Variants in SPATS1 observed in about 807,000 individuals in gnomAD.
The protein encoded by SPATS1 is spermatogenesis associated serine rich 1, also known as spermatogenesis-associated serine-rich protein 1.
Under a neutral mutation model 33.6 loss-of-function variants are expected in SPATS1, and 23 were observed. The observed-to-expected ratio is 0.68, with a 90% CI of 0.49 to 0.97. The LOEUF (loss-of-function observed/expected upper bound fraction) is 0.97, where lower values mean the gene tolerates loss of function less well. Ranked by LOEUF, SPATS1 falls within the 50% of genes least tolerant of loss-of-function variation. SPATS1 has a pLI of 0.00. For missense variants in SPATS1, 327 were observed against 361.0 expected (o/e 0.91, Z 0.76); for synonymous variants, 131 against 125.6 (o/e 1.04, Z -0.29).
chr6:44,379,467 T>C lies in SPATS1; in HGVS notation c.*2404T>C, dbSNP rs1476684887. On this transcript the variant is annotated 3_prime_UTR_variant, in exon 9 of 9. Coordinates refer to ENST00000674044, the MANE Select transcript of SPATS1 (RefSeq NM_001372081.1). ...TTAGCCAGGCATGGTGGTGGGCACC[T>C]ATAGTCCCAGGACTGTACTATACTC... Among the ~76,000 whole-genome samples, 1 of 151,412 alleles carries C rather than the reference T, an allele frequency of 6.6e-6. No individual in the cohort carries two copies. Among genetic ancestry groups the C allele is most frequent in the African/African-American group, 2.4e-5 (1 of 41,230 alleles).
At chr6:44,366,988 C>G (rs1023604269) in intron 5 of SPATS1, among the ~76,000 whole-genome samples, 19 of 152,192 alleles carry the variant, frequency 1.2e-4, no homozygotes, top group Non-Finnish European at 2.9e-5. Flanking sequence ...GCGACAGACT[C>G]CAAAGTCCAA....
At chr6:44,358,316 G>A (rs1231428375) in intron 3 of SPATS1, among the ~76,000 whole-genome samples, 4 of 152,158 alleles carry the variant, frequency 2.6e-5, no homozygotes, top group Non-Finnish European at 4.4e-5. Context: ...GGTTTCAGAC[G>A]CAAAGCCATT....
rs1328469279 is a variant in SPATS1, at chr6:44,342,715, C to T, written c.-54C>T. 4.3e-6 allele frequency: 2 copies of T among 461,366 alleles called. No individual in the cohort carries two copies. Among genetic ancestry groups the T allele is most frequent in the Non-Finnish European group, 8.7e-6 (2 of 230,664 alleles). The allele number at this position is 461,366 out of a possible 1,614,324, so 28.6% of individuals were successfully genotyped here. ...CCTTTTGCCCTAGGCTCTCGGTTCTCAGGCCTCGGCGTGCGGCGTGCGTTC... is the reference window on the plus strand; with the variant it reads ...CCTTTTGCCCTAGGCTCTCGGTTCTTAGGCCTCGGCGTGCGGCGTGCGTTC... On this transcript the variant is annotated 5_prime_UTR_variant, in exon 1 of 9. Coordinates refer to ENST00000674044, the MANE Select transcript of SPATS1 (RefSeq NM_001372081.1).
intron 5 of SPATS1, among the ~76,000 whole-genome samples, chr6:44,367,405 T>C (rs560376147): frequency 5.9e-5 from 9 of 152,370 alleles, no homozygotes; most frequent in Non-Finnish European, 8.8e-5. Flanking sequence ...ACTCAATGCA[T>C]GGGTGCAGTT....
chr6:44,353,553 C>T (rs545608523), intron 3 of SPATS1, among the ~76,000 whole-genome samples: 54 of 152,152 alleles, frequency 3.5e-4, no homozygotes, highest in Non-Finnish European at 7.4e-4. Context: ...GCCGGGCTAA[C>T]GTTTTGTTTC....
intron 7 of SPATS1, among the ~76,000 whole-genome samples, chr6:44,371,500 T>C (rs1380494166): frequency 6.6e-6 from 1 of 152,252 alleles, no homozygotes. Flanking sequence ...TTCTCTATTT[T>C]GTTCTGTAGC....
intron 2 of SPATS1, among the ~76,000 whole-genome samples, chr6:44,347,222 C>T (rs1050844073): frequency 2.0e-5 from 3 of 151,804 alleles, no homozygotes; most frequent in African/African-American, 7.3e-5. Context: ...TGGGGCCTGT[C>T]GTGGGGTTGG....
Position 44,369,103 on chromosome 6 carries a change from A to G in SPATS1, c.695+604A>G, listed in dbSNP as rs568149835. Among the ~76,000 whole-genome samples the G allele has an allele frequency of 3.9e-3, 600 of 152,132 alleles. 4 individuals are homozygous for G. The highest frequency in any genetic ancestry group is 5.2e-3 in the Admixed American group (79 of 15,284). ...AGTAGAGACGGGGTTTCACCATGTT[A>G]GCCAGGATGGTCTTGATCTCCTGAC... is the stretch of plus-strand genomic sequence containing the variant. On this transcript the variant is annotated intron_variant, in intron 6 of 8. Coordinates refer to ENST00000674044, the MANE Select transcript of SPATS1 (RefSeq NM_001372081.1).
At chr6:44,365,683 C>T (rs1789202044) in intron 5 of SPATS1, among the ~76,000 whole-genome samples, 1 of 152,226 alleles carries the variant, frequency 6.6e-6, no homozygotes, top group South Asian at 2.1e-4. Flanking sequence ...CAGAACATGG[C>T]TCTACCTAAA....
intron 2 of SPATS1, among the ~76,000 whole-genome samples, chr6:44,344,213 G>A (rs1787734162): frequency 6.6e-6 from 1 of 152,284 alleles, no homozygotes; most frequent in South Asian, 2.1e-4. Flanking sequence ...GAGGATCCAT[G>A]TTTTCGAGTT....
intron 4 of SPATS1, chr6:44,361,617 C>T (rs540271330): frequency 7.4e-5 from 63 of 853,610 alleles, no homozygotes; most frequent in Middle Eastern, 1.2e-3. Context: ...AAAACAAAGA[C>T]GGCCTCTTAG....
chr6:44,372,070 A>C (rs1789656590), intron 7 of SPATS1, among the ~76,000 whole-genome samples: 1 of 151,752 alleles, frequency 6.6e-6, no homozygotes, highest in African/African-American at 2.4e-5. Flanking sequence ...CCTGGCCAAC[A>C]TGGTGAGACC....
intron 5 of SPATS1, among the ~76,000 whole-genome samples, chr6:44,364,860 T>C (rs1239057974): frequency 1.3e-5 from 2 of 151,720 alleles, no homozygotes; most frequent in African/African-American, 4.8e-5. Flanking sequence ...TGCAGTAGCG[T>C]GACCTTGGCT....
In SPATS1 at chr6:44,342,661, C is replaced by T. The variant is rs756241804; in HGVS notation, c.-108C>T. ...GTCCCGGCAACCCCGGAACGCGCCT[C>T]TGTGGGAGAAGCAGGCGGCTGCGGT... On this transcript the variant is annotated 5_prime_UTR_variant, in exon 1 of 9. Transcript: ENST00000674044. The T allele has an allele frequency of 2.2e-6, 1 of 456,594 alleles. No homozygotes were observed. Among genetic ancestry groups the T allele is most frequent in the South Asian group, 1.5e-5 (1 of 64,572 alleles). The allele number at this position is 456,594 out of a possible 1,614,324, so 28.3% of individuals were successfully genotyped here. A position where few individuals can be genotyped will look rare whatever the true frequency, so the allele number is the denominator to read the frequency against.
intron 8 of SPATS1, 75 bp from the exon 9 acceptor site, chr6:44,376,960 G>T: frequency 6.4e-7 from 1 of 1,553,648 alleles, no homozygotes. Context: ...CAAGCATTGG[G>T]GGTCGAGTGT....
chr6:44,352,962 C>G, intron 3 of SPATS1, 89 bp downstream of exon 3: 1 of 1,386,526 alleles, frequency 7.2e-7, no homozygotes, highest in South Asian at 1.3e-5. Context: ...GTATGCTTGG[C>G]AAGAGCATGG....
At chr6:44,369,661 C>T (rs778594237) in intron 6 of SPATS1, among the ~76,000 whole-genome samples, 79 of 152,160 alleles carry the variant, frequency 5.2e-4, no homozygotes, top group African/African-American at 7.2e-4. Context: ...TGCTTCAGCC[C>T]AGGCGTTCCA....
chr6:44,370,126 G>C lies in SPATS1; in HGVS notation c.758+13G>C. Reference sequence around the variant, plus strand: ...CACAAATTCCCAAGTGAGTTCTCTTGTCATGTTTTGTGTTATCCCATCTTT... The same window carrying C: ...CACAAATTCCCAAGTGAGTTCTCTTCTCATGTTTTGTGTTATCCCATCTTT... On this transcript the variant is annotated intron_variant, in intron 7 of 8. Transcript: ENST00000674044. 6.2e-7 allele frequency: 1 copy of C among 1,602,194 alleles called. No homozygotes were observed. The highest frequency in any genetic ancestry group is 8.5e-7 in the Non-Finnish European group (1 of 1,170,376).
At chr6:44,357,212 CT>C (rs1788643036) in intron 3 of SPATS1, among the ~76,000 whole-genome samples, 2 of 152,106 alleles carry the variant, frequency 1.3e-5, no homozygotes, top group African/African-American at 4.8e-5. Flanking sequence ...CCTTCTATGC[CT>C]TTGCTCACAT....
Sources: allele counts gnomAD v4.1 joint callset (sites outside exome capture counted in the v4.1 genomes callset), GRCh38; gene constraint gnomAD v4.1.1; transcripts MANE v1.5; gene names NCBI Gene and HGNC (gene_info 2026-07-23, HGNC 2026-07-21).